Variants in RGS7 observed in about 807,000 individuals in gnomAD.
RGS7 encodes the protein regulator of G protein signaling 7, also known as regulator of G-protein signaling 7.
A neutral mutation model predicts 81.1 loss-of-function variants in RGS7; 27 were observed. That is an observed-to-expected ratio of 0.33 (90% CI 0.25 to 0.46). The LOEUF is 0.46. Among genes scored for constraint, RGS7 ranks in the 20% least tolerant of loss-of-function variants. RGS7 has a pLI of 1.00. For missense variants in RGS7, 396 were observed against 607.4 expected (o/e 0.65, Z 3.66); for synonymous variants, 208 against 207.7 (o/e 1.00, Z -0.01).
intron 3 of RGS7, among the ~76,000 whole-genome samples, chr1:241,074,506 C>A (rs759396127): frequency 6.6e-6 from 1 of 152,178 alleles, no homozygotes; most frequent in African/African-American, 2.4e-5. Flanking sequence ...CAGCTGGAGC[C>A]AGGTATTCAA....
intron 6 of RGS7, among the ~76,000 whole-genome samples, chr1:240,903,477 G>C (rs887742268): frequency 1.3e-5 from 2 of 151,768 alleles, no homozygotes; most frequent in African/African-American, 4.8e-5. Context: ...TTAGTGGGAA[G>C]AATAATATAT....
intron 9 of RGS7, among the ~76,000 whole-genome samples, chr1:240,848,263 T>A (rs1659456668): frequency 6.6e-6 from 1 of 152,208 alleles, no homozygotes; most frequent in Non-Finnish European, 1.5e-5. Context: ...CCACTCTTCC[T>A]GCTAATTTTC....
At chr1:241,323,868 T>C (rs2081344300) in intron 2 of RGS7, among the ~76,000 whole-genome samples, 1 of 152,206 alleles carries the variant, frequency 6.6e-6, no homozygotes, top group Non-Finnish European at 1.5e-5. Context: ...AACCTACTGA[T>C]AGGCCCTGTG....
rs374281668 is a variant in RGS7, at chr1:241,121,400, C to A, written c.79-22638G>T. ...GAGGTATGTATGCATCTAGGTTGAGCGATGAAAGGACAACAAAAGGAAAAG... is the reference window on the plus strand; with the variant it reads ...GAGGTATGTATGCATCTAGGTTGAGAGATGAAAGGACAACAAAAGGAAAAG... On this transcript the variant is annotated intron_variant, in intron 2 of 18. Coordinates refer to ENST00000440928, the MANE Select transcript of RGS7 (RefSeq NM_001364886.1). Among the ~76,000 whole-genome samples, 9 of 152,116 alleles carry A rather than the reference C, an allele frequency of 5.9e-5. No homozygotes were observed. The South Asian group carries it at 1.0e-3, about 18-fold the overall frequency.
intron 2 of RGS7, among the ~76,000 whole-genome samples, chr1:241,135,550 A>G (rs929580723): frequency 6.6e-6 from 1 of 152,050 alleles, no homozygotes; most frequent in Admixed American, 6.6e-5. Flanking sequence ...TGCCTCCCCT[A>G]TCTTTTTGCA....
At chr1:241,220,131 T>G (rs1283963502) in intron 2 of RGS7, among the ~76,000 whole-genome samples, 2 of 152,218 alleles carry the variant, frequency 1.3e-5, no homozygotes, top group Non-Finnish European at 2.9e-5. Context: ...TTTGTTATGT[T>G]GCTTACTTGA....
At chr1:240,903,936 G>A (rs1213371380) in intron 6 of RGS7, among the ~76,000 whole-genome samples, 1 of 152,186 alleles carries the variant, frequency 6.6e-6, no homozygotes, top group Non-Finnish European at 1.5e-5. Flanking sequence ...AGCAGGTGCT[G>A]GTGCCATGCT....
chr1:240,944,278 G>GTATA (rs1678159395), intron 4 of RGS7, among the ~76,000 whole-genome samples: 1 of 20,458 alleles, frequency 4.9e-5, no homozygotes, highest in African/African-American at 1.5e-4. Context: ...GTGTGTGTGT[G>GTATA]TGTGTATATA....
At chr1:240,807,102 T>C (rs1161169675) in intron 14 of RGS7, among the ~76,000 whole-genome samples, 1 of 152,206 alleles carries the variant, frequency 6.6e-6, no homozygotes, top group Admixed American at 6.5e-5. Context: ...ATAGACTTAT[T>C]TATACCATAT....
intron 4 of RGS7, among the ~76,000 whole-genome samples, chr1:240,948,519 T>A (rs1048062404): frequency 6.6e-6 from 1 of 152,108 alleles, no homozygotes; most frequent in Non-Finnish European, 1.5e-5. Context: ...TCTGGGCTCA[T>A]TGCAACCACC....
intron 3 of RGS7, among the ~76,000 whole-genome samples, chr1:241,057,809 C>T (rs1410129281): frequency 6.6e-6 from 1 of 152,128 alleles, no homozygotes; most frequent in African/African-American, 2.4e-5. Context: ...CTACAGTGAG[C>T]CGGGATCACA....
chr1:240,990,194 G>C (rs1661095516), intron 3 of RGS7, among the ~76,000 whole-genome samples: 1 of 152,246 alleles, frequency 6.6e-6, no homozygotes, highest in African/African-American at 2.4e-5. Flanking sequence ...GGTATCGATG[G>C]AGGCATTTTC....
intron 2 of RGS7, among the ~76,000 whole-genome samples, chr1:241,314,705 T>C (rs1360022145): frequency 6.6e-6 from 1 of 152,208 alleles, no homozygotes; most frequent in East Asian, 1.9e-4. Flanking sequence ...TTCCCTTTCT[T>C]GCAGGGGATT....
intron 4 of RGS7, among the ~76,000 whole-genome samples, chr1:240,980,413 C>T (rs1684742858): frequency 6.6e-6 from 1 of 152,152 alleles, no homozygotes; most frequent in Non-Finnish European, 1.5e-5. Context: ...TCTAGAACAT[C>T]AAACCATCCC....
At chr1:241,241,958 AT>A (rs930000020) in intron 2 of RGS7, among the ~76,000 whole-genome samples, 2 of 149,038 alleles carry the variant, frequency 1.3e-5, no homozygotes, top group African/African-American at 5.0e-5. Flanking sequence ...TTAATTTTTA[AT>A]TTTGATTTTC....
chr1:241,238,056 A>G (rs2076075052), intron 2 of RGS7, among the ~76,000 whole-genome samples: 1 of 152,178 alleles, frequency 6.6e-6, no homozygotes, highest in South Asian at 2.1e-4. Context: ...CCTCTCTCGT[A>G]AGAATTCCTT....
intron 3 of RGS7, among the ~76,000 whole-genome samples, chr1:241,042,734 G>A (rs2148773554): frequency 6.6e-6 from 1 of 152,248 alleles, no homozygotes; most frequent in African/African-American, 2.4e-5. Flanking sequence ...GTGGTCAGGA[G>A]TTTGAGTCTA....
intron 6 of RGS7, among the ~76,000 whole-genome samples, chr1:240,898,834 T>G (rs907047810): frequency 6.6e-6 from 1 of 152,178 alleles, no homozygotes; most frequent in East Asian, 1.9e-4. Context: ...TTCCTGGATA[T>G]CCTTGTTAAC....
At chr1:241,356,752 T>A (rs1214805416) in intron 1 of RGS7, 147 bp downstream of exon 1, 1 of 148,800 alleles carries the variant, frequency 6.7e-6, no homozygotes, top group Non-Finnish European at 1.5e-5. Context: ...GCGGCGCCCG[T>A]AGCCCAGCCC....
Sources: allele counts gnomAD v4.1 joint callset (sites outside exome capture counted in the v4.1 genomes callset), GRCh38; gene constraint gnomAD v4.1.1; transcripts MANE v1.5; gene names NCBI Gene and HGNC (gene_info 2026-07-23, HGNC 2026-07-21).